Variants in PPP1CC observed in about 807,000 individuals in gnomAD.
PPP1CC encodes protein phosphatase 1 catalytic subunit gamma, also known as serine/threonine-protein phosphatase PP1-gamma catalytic subunit.
In PPP1CC, 16 loss-of-function variants were observed where a neutral mutation model predicts 38.4. The ratio of observed to expected loss-of-function variants is 0.42; its 90% CI spans 0.28 to 0.63. The LOEUF (loss-of-function observed/expected upper bound fraction) is 0.63. Ranked by LOEUF, PPP1CC falls within the 30% of genes least tolerant of loss-of-function variation. PPP1CC has a pLI of 0.25. For synonymous variants in PPP1CC, 158 were observed against 136.0 expected (o/e 1.16, Z -1.13); for missense variants, 170 against 391.3 (o/e 0.43, Z 4.77).
intron 3 of PPP1CC, chr12:110,726,269 G>A (rs994287210): frequency 6.6e-6 from 1 of 152,222 alleles, no homozygotes; most frequent in Non-Finnish European, 1.5e-5. Flanking sequence ...GAAATGAAAT[G>A]TAAATTCAAC....
At chr12:110,726,651 G>A (rs1471903932) in intron 3 of PPP1CC, 1 of 152,180 alleles carries the variant, frequency 6.6e-6, no homozygotes, top group Non-Finnish European at 1.5e-5. Context: ...CACAGGATGA[G>A]TATCCTTAAT....
At chr12:110,728,329 G>A (rs1473852153) in intron 3 of PPP1CC, among the ~76,000 whole-genome samples, 1 of 151,432 alleles carries the variant, frequency 6.6e-6, no homozygotes, top group Non-Finnish European at 1.5e-5. Context: ...AACCCAGGAG[G>A]CGGAGCTTGC....
At chr12:110,738,731 C>T (rs79599420) in intron 1 of PPP1CC, among the ~76,000 whole-genome samples, 2 of 152,222 alleles carry the variant, frequency 1.3e-5, no homozygotes, top group East Asian at 1.9e-4. Context: ...CAACGTCACA[C>T]ACAATTCTGT....
chr12:110,738,066 AG>A (rs1178870268), intron 1 of PPP1CC, among the ~76,000 whole-genome samples: 1 of 152,252 alleles, frequency 6.6e-6, no homozygotes, highest in East Asian at 1.9e-4. Context: ...TCACAGTCTA[AG>A]AACACATTTC....
At chr12:110,717,644 C>A (rs1479296719), downstream of PPP1CC, among the ~76,000 whole-genome samples, 3 of 152,110 alleles carry the variant, frequency 2.0e-5, no homozygotes, top group African/African-American at 7.2e-5. Flanking sequence ...AATCCGCCTG[C>A]CTCAGCCTCC....
chr12:110,713,924 TC>T, the PPP1CC span, among the ~76,000 whole-genome samples: 24 of 151,832 alleles, frequency 1.6e-4, no homozygotes, highest in African/African-American at 5.8e-4. Context: ...CATGGTGAAA[TC>T]CTGTCTCTAC....
intron 1 of PPP1CC, among the ~76,000 whole-genome samples, chr12:110,739,889 T>C (rs948504652): frequency 6.6e-6 from 1 of 152,246 alleles, no homozygotes; most frequent in African/African-American, 2.4e-5. Context: ...GCCGTTTTAC[T>C]GTGTAGTTAT....
At chr12:110,733,356 C>CT (rs1323880750) in intron 1 of PPP1CC, among the ~76,000 whole-genome samples, 1 of 152,172 alleles carries the variant, frequency 6.6e-6, no homozygotes, top group Non-Finnish European at 1.5e-5. Flanking sequence ...ATAGCTGACT[C>CT]TAAGTCTTCT....
At chr12:110,733,023 T>C (rs2069897377) in intron 1 of PPP1CC, 1 of 152,168 alleles carries the variant, frequency 6.6e-6, no homozygotes. Context: ...AGCATAGTAA[T>C]AATAGTCTTC....
At chr12:110,724,542 T>C (rs754776165) in intron 4 of PPP1CC, 118 bp downstream of exon 4, 14 of 646,286 alleles carry the variant, frequency 2.2e-5, no homozygotes, top group Non-Finnish European at 3.7e-5. Context: ...ATGCAACACA[T>C]CAACAAAGGA....
chr12:110,737,562 C>T (rs1339429921), intron 1 of PPP1CC, among the ~76,000 whole-genome samples: 1 of 149,712 alleles, frequency 6.7e-6, no homozygotes, highest in African/African-American at 2.5e-5. Context: ...AGAAAGACTT[C>T]CATGTTCTGA....
At chr12:110,711,111 G>A in the PPP1CC span, among the ~76,000 whole-genome samples, 1 of 152,130 alleles carries the variant, frequency 6.6e-6, no homozygotes, top group Non-Finnish European at 1.5e-5. Flanking sequence ...AGGAGGCGGA[G>A]GTTGCAGTGA....
chr12:110,728,330 C>A (rs1274855691), intron 3 of PPP1CC, among the ~76,000 whole-genome samples: 1 of 146,980 alleles, frequency 6.8e-6, no homozygotes, highest in Non-Finnish European at 1.5e-5. Flanking sequence ...ACCCAGGAGG[C>A]GGAGCTTGCA....
In PPP1CC at chr12:110,742,854, C is replaced by T; in HGVS notation, c.-147G>A. 8 of 483,234 alleles carry T rather than the reference C, an allele frequency of 1.7e-5. No homozygotes were observed. The highest frequency in any genetic ancestry group is 7.1e-5 in the East Asian group (2 of 28,222). The allele number at this position is 483,234 out of a possible 1,614,324, so 29.9% of individuals were successfully genotyped here. A position where few individuals can be genotyped will look rare whatever the true frequency, so the allele number is the denominator to read the frequency against. On this transcript the variant is annotated 5_prime_UTR_variant, in exon 1 of 7. Transcript: ENST00000335007. ...GGTCCCCCCCCTGCCACCCCGCTCC[C>T]TACTTCCTCCTTCTCTCCCCACTGG... is the stretch of plus-strand genomic sequence containing the variant.
intron 1 of PPP1CC, among the ~76,000 whole-genome samples, chr12:110,738,538 A>C (rs2069974217): frequency 6.6e-6 from 1 of 152,216 alleles, no homozygotes; most frequent in African/African-American, 2.4e-5. Flanking sequence ...TGGTACTGTG[A>C]TTCTGCACAA....
the PPP1CC span, among the ~76,000 whole-genome samples, chr12:110,712,352 C>T: frequency 2.0e-5 from 3 of 151,456 alleles, no homozygotes; most frequent in Non-Finnish European, 4.4e-5. Context: ...GAAAAACAGA[C>T]ACACAGGCCG....
Position 110,719,958 on chromosome 12 carries a change from G to T in PPP1CC, c.*1118C>A. ...GAATTCATTTTCACCACACGGTATT[G>T]TACACGGTCATCTGTTGAAACAGAT... On this transcript the variant is annotated 3_prime_UTR_variant, in exon 7 of 7. Transcript: ENST00000335007. 1 of 597,676 alleles carries T rather than the reference G, an allele frequency of 1.7e-6. No individual in the cohort carries two copies. The highest frequency in any genetic ancestry group is 2.9e-6 in the Non-Finnish European group (1 of 341,276). The allele number at this position is 597,676 out of a possible 1,614,324, so 37.0% of individuals were successfully genotyped here. A position where few individuals can be genotyped will look rare whatever the true frequency, so the allele number is the denominator to read the frequency against.
In PPP1CC at chr12:110,731,904, G is replaced by C; in HGVS notation, c.56-3C>G. The C allele has an allele frequency of 6.2e-7, 1 of 1,609,324 alleles. No individual in the cohort carries two copies. The highest frequency in any genetic ancestry group is 8.5e-7 in the Non-Finnish European group (1 of 1,176,440). On this transcript the variant is annotated splice_region_variant and splice_polypyrimidine_tract_variant and intron_variant, in intron 1 of 6. Coordinates refer to ENST00000335007, the MANE Select transcript of PPP1CC (RefSeq NM_002710.4). The stretch of plus-strand genomic sequence containing the variant: ...CTTACCAGGCTTGGACCCTCTCACT[G>C]CAAGAGAAAAATCGCAATTAGTCCA...
intron 1 of PPP1CC, among the ~76,000 whole-genome samples, chr12:110,740,411 C>T (rs2070004414): frequency 6.6e-6 from 1 of 152,020 alleles, no homozygotes; most frequent in African/African-American, 2.4e-5. Flanking sequence ...CACAGTGAGA[C>T]TCTCATTTCT....
Sources: allele counts gnomAD v4.1 joint callset (sites outside exome capture counted in the v4.1 genomes callset), GRCh38; gene constraint gnomAD v4.1.1; transcripts MANE v1.5; gene names NCBI Gene and HGNC (gene_info 2026-07-23, HGNC 2026-07-21).